Variants in CPNE8 observed in about 807,000 individuals in gnomAD.
CPNE8 encodes copine-8.
Under a neutral mutation model 81.5 loss-of-function variants are expected in CPNE8, and 45 were observed. The observed-to-expected ratio is 0.55, with a 90% CI of 0.44 to 0.71. The LOEUF (loss-of-function observed/expected upper bound fraction) is 0.71, where lower values mean the gene tolerates loss of function less well. Ranked by LOEUF, CPNE8 falls within the 30% of genes least tolerant of loss-of-function variation. CPNE8 has a pLI of 0.00. For missense variants in CPNE8, 594 were observed against 672.1 expected (o/e 0.88, Z 1.28); for synonymous variants, 252 against 226.3 (o/e 1.11, Z -1.02).
At position 38,653,617 on chromosome 12, in the gene CPNE8, T is replaced by TAAAAAA. The variant is rs59710225; in HGVS notation, c.*259_*264dup. 1.1e-4 allele frequency: 17 copies of TAAAAAA among 148,530 alleles called. No homozygotes were observed. The highest frequency in any genetic ancestry group is 3.4e-4 in the South Asian group (2 of 5,846). 9.2% of individuals were successfully genotyped at this position (148,530 alleles called of 1,614,324 possible). The stretch of plus-strand genomic sequence containing the variant: ...TACATTGGAAATTAGCTGTTTCTGT[T>TAAAAAA]AAAAAAAAAAAGAAAGAAAGATTTA... On this transcript the variant is annotated 3_prime_UTR_variant, in exon 20 of 20. Transcript: ENST00000331366.
intron 13 of CPNE8, among the ~76,000 whole-genome samples, chr12:38,710,806 T>C (rs75078736): frequency 0.011 from 1,618 of 152,250 alleles, 31 homozygotes; most frequent in African/African-American, 0.036. Context: ...AACTCAAATA[T>C]AGTAATATAT....
At chr12:38,675,839 G>T in intron 17 of CPNE8, 65 bp from the exon 18 acceptor site, 1 of 1,058,220 alleles carries the variant, frequency 9.4e-7, no homozygotes, top group Non-Finnish European at 1.5e-6. Context: ...ATAATTAAAG[G>T]CCAGGCATGA....
intron 10 of CPNE8, among the ~76,000 whole-genome samples, chr12:38,755,742 T>C (rs1941442179): frequency 6.6e-6 from 1 of 151,916 alleles, no homozygotes; most frequent in Non-Finnish European, 1.5e-5. Flanking sequence ...TGTGTTTCAA[T>C]AAAAAGAACA....
intron 6 of CPNE8, among the ~76,000 whole-genome samples, chr12:38,808,423 C>T (rs1195243519): frequency 1.3e-5 from 2 of 151,764 alleles, no homozygotes; most frequent in Non-Finnish European, 2.9e-5. Context: ...ACTATGCAGC[C>T]ATAAAAAATG....
chr12:38,688,306 C>T (rs993114880), intron 15 of CPNE8, among the ~76,000 whole-genome samples: 5 of 152,094 alleles, frequency 3.3e-5, no homozygotes, highest in African/African-American at 1.2e-4. Flanking sequence ...ATGAATTAGT[C>T]CTACCATAAT....
chr12:38,868,604 G>A (rs1276491232), intron 3 of CPNE8, among the ~76,000 whole-genome samples: 1 of 152,118 alleles, frequency 6.6e-6, no homozygotes, highest in African/African-American at 2.4e-5. Context: ...TCCAGTAACA[G>A]TAAATGCGCT....
chr12:38,806,526 G>GA (rs1464816599), intron 6 of CPNE8, among the ~76,000 whole-genome samples: 2 of 150,180 alleles, frequency 1.3e-5, no homozygotes, highest in Non-Finnish European at 3.0e-5. Flanking sequence ...AATAAATGCA[G>GA]AAAAGCCCTT....
chr12:38,863,311 C>T (rs1180936932), intron 3 of CPNE8, among the ~76,000 whole-genome samples: 3 of 152,132 alleles, frequency 2.0e-5, no homozygotes, highest in East Asian at 1.9e-4. Flanking sequence ...ATGTATGTAA[C>T]GAAGATACTG....
intron 13 of CPNE8, among the ~76,000 whole-genome samples, chr12:38,715,900 A>C (rs184316445): frequency 6.1e-4 from 92 of 151,994 alleles, no homozygotes; most frequent in South Asian, 1.0e-3. Context: ...ATCCCTAAAA[A>C]CTCATCTAAA....
At chr12:38,829,104 A>C (rs1943245201) in intron 6 of CPNE8, among the ~76,000 whole-genome samples, 1 of 152,212 alleles carries the variant, frequency 6.6e-6, no homozygotes, top group African/African-American at 2.4e-5. Flanking sequence ...GAAGTACGAA[A>C]TCTGATAATT....
chr12:38,739,555 T>C (rs1315920240), intron 10 of CPNE8, among the ~76,000 whole-genome samples: 1 of 152,186 alleles, frequency 6.6e-6, no homozygotes, highest in African/African-American at 2.4e-5. Flanking sequence ...CTTGCCGTCC[T>C]GCAAAAATAA....
At chr12:38,901,587 T>C (rs1393435204) in intron 1 of CPNE8, among the ~76,000 whole-genome samples, 1 of 152,154 alleles carries the variant, frequency 6.6e-6, no homozygotes, top group Non-Finnish European at 1.5e-5. Flanking sequence ...ATCTACAAAT[T>C]TATACAATAA....
At chr12:38,727,345 G>A (rs1940726996) in intron 11 of CPNE8, among the ~76,000 whole-genome samples, 1 of 151,964 alleles carries the variant, frequency 6.6e-6, no homozygotes, top group Admixed American at 6.6e-5. Flanking sequence ...GGACAGAATG[G>A]GTATAAAGTT....
intron 6 of CPNE8, among the ~76,000 whole-genome samples, chr12:38,814,306 TG>T (rs1386780156): frequency 7.8e-6 from 1 of 128,666 alleles, no homozygotes; most frequent in Non-Finnish European, 1.6e-5. Context: ...GAGCCAGACC[TG>T]GCTTTTTTTT....
intron 1 of CPNE8, among the ~76,000 whole-genome samples, chr12:38,896,453 T>C (rs76330775): frequency 0.015 from 2,325 of 152,218 alleles, 51 homozygotes; most frequent in African/African-American, 0.053. Context: ...ATACATCCTA[T>C]TTTATTACAG....
At chr12:38,887,498 C>T (rs1032656009) in intron 1 of CPNE8, among the ~76,000 whole-genome samples, 4 of 152,040 alleles carry the variant, frequency 2.6e-5, no homozygotes, top group African/African-American at 4.8e-5. Context: ...GTGATTTGTA[C>T]TTTCTCCTTT....
At chr12:38,811,248 C>T (rs1942929316) in intron 6 of CPNE8, among the ~76,000 whole-genome samples, 2 of 151,690 alleles carry the variant, frequency 1.3e-5, no homozygotes, top group Non-Finnish European at 2.9e-5. Context: ...ACTAAAAAAG[C>T]CTATCAACTT....
intron 6 of CPNE8, among the ~76,000 whole-genome samples, chr12:38,780,859 T>A (rs1942037046): frequency 6.6e-6 from 1 of 151,892 alleles, no homozygotes; most frequent in Non-Finnish European, 1.5e-5. Context: ...AAAGAATGGG[T>A]TTCAAACTGA....
chr12:38,880,994 A>T (rs1422196795), intron 1 of CPNE8, among the ~76,000 whole-genome samples: 1 of 152,096 alleles, frequency 6.6e-6, no homozygotes, highest in Admixed American at 6.6e-5. Context: ...GTGGATCACG[A>T]GGTCAGGAGA....
Sources: gnomAD v4.1 joint callset for allele counts (sites outside exome capture counted in the v4.1 genomes callset) on GRCh38, gnomAD v4.1.1 for gene constraint, MANE v1.5 for transcripts, NCBI Gene and HGNC (gene_info 2026-07-23, HGNC 2026-07-21) for gene names.